The following CLASP1 variants were observed in gnomAD, a reference collection of about 807,000 sequenced individuals.
The protein encoded by CLASP1 is cytoplasmic linker associated protein 1.
A neutral mutation model predicts 192.3 loss-of-function variants in CLASP1; 38 were observed. That is an observed-to-expected ratio of 0.20 (90% CI 0.15 to 0.26). The LOEUF (loss-of-function observed/expected upper bound fraction) is 0.26. Ranked by LOEUF, CLASP1 falls within the 10% of genes least tolerant of loss-of-function variation. The pLI is 1.00. For synonymous variants in CLASP1, 691 were observed against 712.8 expected (o/e 0.97, Z 0.49); for missense variants, 1,433 against 1,932.5 (o/e 0.74, Z 4.85).
rs151238533 is a variant in CLASP1 at position 121,547,320 on chromosome 2, C to T, written c.196-16995G>A. On this transcript the variant is annotated intron_variant, in intron 2 of 39. Transcript: ENST00000263710. ...TGCTACCCTCGGACTAACAAAGAAG[C>T]ACAGACCCTAACTGCCTTATCCACA... is the stretch of plus-strand genomic sequence containing the variant. 2.2e-3 allele frequency among the ~76,000 whole-genome samples: 340 copies of T among 152,284 alleles called. 4 individuals are homozygous for T. The highest frequency in any genetic ancestry group is 7.7e-3 in the African/African-American group (322 of 41,556).
intron 25 of CLASP1, among the ~76,000 whole-genome samples, chr2:121,406,452 A>T (rs909422432): frequency 6.6e-6 from 1 of 152,236 alleles, no homozygotes; most frequent in Non-Finnish European, 1.5e-5. Context: ...CTAAAGTATA[A>T]TGAACCATAC....
At chr2:121,479,146 A>C (rs1480683044) in intron 8 of CLASP1, among the ~76,000 whole-genome samples, 1 of 149,546 alleles carries the variant, frequency 6.7e-6, no homozygotes, top group South Asian at 2.1e-4. Context: ...GTTTACTCTC[A>C]CTACTTCTAT....
chr2:121,636,264 G>A (rs1417892660), intron 1 of CLASP1, among the ~76,000 whole-genome samples: 6 of 149,922 alleles, frequency 4.0e-5, no homozygotes, highest in African/African-American at 1.5e-4. Flanking sequence ...TGAACCCATG[G>A]GGTGGAGATT....
At chr2:121,463,073 A>G (rs1017612442) in intron 9 of CLASP1, among the ~76,000 whole-genome samples, 1 of 152,268 alleles carries the variant, frequency 6.6e-6, no homozygotes, top group African/African-American at 2.4e-5. Flanking sequence ...AAACATTTCT[A>G]TTTCCTTGAA....
intron 8 of CLASP1, among the ~76,000 whole-genome samples, chr2:121,501,632 C>T (rs2093757800): frequency 1.3e-5 from 2 of 152,116 alleles, no homozygotes; most frequent in African/African-American, 2.4e-5. Flanking sequence ...TTAATGAAAG[C>T]ATTTTTAGAT....
At chr2:121,634,014 C>A (rs956539691) in intron 1 of CLASP1, among the ~76,000 whole-genome samples, 108 of 149,520 alleles carry the variant, frequency 7.2e-4, no homozygotes, top group African/African-American at 2.5e-3. Flanking sequence ...AAAAAAAAAA[C>A]CAGACCCCAG....
At position 121,616,688 on chromosome 2, in the gene CLASP1, G is replaced by A. The variant is rs529111168; in HGVS notation, c.-285-10508C>T. The stretch of plus-strand genomic sequence containing the variant: ...CAACAATTACAATATGATCGAAAAC[G>A]AAGAAAGACGCGCTGCCATGCCCTG... On this transcript the variant is annotated intron_variant, in intron 1 of 39. Transcript: ENST00000263710. Among the ~76,000 whole-genome samples the A allele has an allele frequency of 8.5e-5, 13 of 152,220 alleles. No individual in the cohort carries two copies. In the East Asian group the frequency reaches 1.9e-3, roughly 23 times the overall value.
intron 22 of CLASP1, among the ~76,000 whole-genome samples, chr2:121,419,762 T>C (rs1234894880): frequency 6.6e-6 from 1 of 152,156 alleles, no homozygotes; most frequent in African/African-American, 2.4e-5. Flanking sequence ...CCTTGTATAC[T>C]GAATACATGT....
chr2:121,503,306 G>A, intron 7 of CLASP1, 72 bp from the exon 8 acceptor site: 2 of 890,838 alleles, frequency 2.2e-6, no homozygotes, highest in South Asian at 3.0e-5. Flanking sequence ...AAATGCTAAT[G>A]TGAAGTTGAT....
intron 1 of CLASP1, among the ~76,000 whole-genome samples, chr2:121,646,977 T>C (rs1198975459): frequency 1.3e-5 from 2 of 150,172 alleles, no homozygotes; most frequent in African/African-American, 5.0e-5. Context: ...GAGGCGGAGC[T>C]TGCAGTGAGC....
intron 2 of CLASP1, among the ~76,000 whole-genome samples, chr2:121,591,846 A>G (rs188734856): frequency 6.6e-6 from 1 of 152,342 alleles, no homozygotes; most frequent in Admixed American, 6.5e-5. Context: ...TATTTGTTCC[A>G]TAATGGACAG....
intron 2 of CLASP1, chr2:121,531,102 A>G (rs892465354): frequency 3.1e-6 from 2 of 647,276 alleles, no homozygotes; most frequent in South Asian, 3.2e-5. Flanking sequence ...GGTGCACAAG[A>G]CGCGTGGTTT....
intron 1 of CLASP1, among the ~76,000 whole-genome samples, chr2:121,633,368 T>C (rs1311694381): frequency 1.3e-5 from 2 of 152,136 alleles, no homozygotes; most frequent in Non-Finnish European, 2.9e-5. Flanking sequence ...ATTCAAAATA[T>C]TAATAATACC....
rs2073140738 is a variant in CLASP1 at position 121,646,165 on chromosome 2, T to C, written c.-286+3207A>G. ...TATCACTCTGTCATCCAAGCTATAATGCAGTGGCACGATTTCGGCTCACTG... is the reference window on the plus strand; with the variant it reads ...TATCACTCTGTCATCCAAGCTATAACGCAGTGGCACGATTTCGGCTCACTG... On this transcript the variant is annotated intron_variant, in intron 1 of 39. Transcript: ENST00000263710. Among the ~76,000 whole-genome samples the C allele has an allele frequency of 2.6e-5, 4 of 152,344 alleles. No individual in the cohort carries two copies. In the South Asian group the frequency reaches 8.3e-4, roughly 32 times the overall value.
intron 6 of CLASP1, among the ~76,000 whole-genome samples, chr2:121,521,952 A>T (rs1371914457): frequency 6.6e-6 from 1 of 152,234 alleles, no homozygotes; most frequent in Non-Finnish European, 1.5e-5. Flanking sequence ...CTAGAGGTTC[A>T]GAGACTAGTA....
chr2:121,610,458 A>G (rs1367994226), intron 1 of CLASP1, among the ~76,000 whole-genome samples: 34 of 103,950 alleles, frequency 3.3e-4, no homozygotes, highest in South Asian at 7.3e-4. Context: ...AAGAGGAACT[A>G]GAGGAGGAGG....
chr2:121,356,362 T>C (rs2065388632), intron 37 of CLASP1, among the ~76,000 whole-genome samples: 1 of 152,232 alleles, frequency 6.6e-6, no homozygotes, highest in Non-Finnish European at 1.5e-5. Flanking sequence ...AGATTGGCAC[T>C]GACATGGTCC....
At chr2:121,411,104 C>T (rs2077634877) in intron 23 of CLASP1, 135 bp from the exon 25 acceptor site, 7 of 600,766 alleles carry the variant, frequency 1.2e-5, no homozygotes, top group African/African-American at 1.9e-5. Flanking sequence ...CTACACTTGA[C>T]TTGTTTACCA....
At chr2:121,486,970 G>A (rs1057387084) in intron 8 of CLASP1, among the ~76,000 whole-genome samples, 5 of 152,090 alleles carry the variant, frequency 3.3e-5, no homozygotes, top group Admixed American at 6.6e-5. Flanking sequence ...TCAAACTCAC[G>A]TACAAACAAA....
Sources: gnomAD v4.1 joint callset for allele counts (sites outside exome capture counted in the v4.1 genomes callset) on GRCh38, gnomAD v4.1.1 for gene constraint, MANE v1.5 for transcripts, NCBI Gene and HGNC (gene_info 2026-07-23, HGNC 2026-07-21) for gene names.